Variants in GABRG2 observed in about 807,000 individuals in gnomAD.
The protein encoded by GABRG2 is gamma-aminobutyric acid type A receptor subunit gamma2.
A neutral mutation model predicts 56.4 loss-of-function variants in GABRG2; 16 were observed. The observed-to-expected ratio is 0.28, with a 90% CI of 0.19 to 0.43. The LOEUF (loss-of-function observed/expected upper bound fraction) is 0.43, where lower values mean the gene tolerates loss of function less well. Among genes scored for constraint, GABRG2 ranks in the 20% least tolerant of loss-of-function variants. The pLI, the probability that GABRG2 is intolerant of heterozygous loss-of-function variation, is 1.00. For synonymous variants in GABRG2, 208 were observed against 205.5 expected, an observed-to-expected ratio of 1.01 and a Z score of -0.10; for missense variants, 327 against 582.7, an observed-to-expected ratio of 0.56 and a Z score of 4.52.
At chr5:162,123,924 C>T (rs943244365) in intron 6 of GABRG2, among the ~76,000 whole-genome samples, 7 of 151,782 alleles carry the variant, frequency 4.6e-5, no homozygotes, top group Non-Finnish European at 7.4e-5. Context: ...CATCTTCAAA[C>T]GACTGGTCAT....
At chr5:162,106,892 G>A (rs1277646060) in intron 6 of GABRG2, among the ~76,000 whole-genome samples, 1 of 130,050 alleles carries the variant, frequency 7.7e-6, no homozygotes, top group Non-Finnish European at 1.6e-5. Context: ...GTACAGGTTT[G>A]TTATACAGGC....
chr5:162,107,255 T>C (rs1432165429), intron 6 of GABRG2, among the ~76,000 whole-genome samples: 2 of 152,098 alleles, frequency 1.3e-5, no homozygotes, highest in African/African-American at 4.8e-5. Context: ...TAAAGGAAAG[T>C]TAATATAAGG....
intron 6 of GABRG2, among the ~76,000 whole-genome samples, chr5:162,111,701 C>A (rs547773615): frequency 6.6e-6 from 1 of 152,188 alleles, no homozygotes; most frequent in African/African-American, 2.4e-5. Flanking sequence ...GATGAGGAAA[C>A]TAAGGTTTAG....
intron 6 of GABRG2, among the ~76,000 whole-genome samples, chr5:162,123,577 G>A (rs1414244934): frequency 6.6e-6 from 1 of 151,866 alleles, no homozygotes; most frequent in African/African-American, 2.4e-5. Context: ...TTGTGTAAGT[G>A]TGTGTCTGTT....
At chr5:162,110,255 C>T (rs1407568054) in intron 6 of GABRG2, among the ~76,000 whole-genome samples, 1 of 152,058 alleles carries the variant, frequency 6.6e-6, no homozygotes, top group African/African-American at 2.4e-5. Context: ...TGCTTGTTGC[C>T]TGATTTCTAA....
intron 2 of GABRG2, 179 bp downstream of exon 2, chr5:162,094,158 T>C (rs1203405954): frequency 1.6e-6 from 1 of 626,224 alleles, no homozygotes; most frequent in Non-Finnish European, 2.8e-6. Context: ...TGTCAATACA[T>C]TCAAAATGAA....
intron 1 of GABRG2, among the ~76,000 whole-genome samples, chr5:162,080,625 A>G (rs1759576257): frequency 6.6e-6 from 1 of 152,178 alleles, no homozygotes; most frequent in Non-Finnish European, 1.5e-5. Context: ...ATAAGGGGTA[A>G]GACTTCATAT....
rs138487113 is a variant in GABRG2 at position 162,083,084 on chromosome 5, T to C, written c.108-10744T>C. On this transcript the variant is annotated intron_variant, in intron 1 of 9. Coordinates refer to ENST00000639213, the MANE Select transcript of GABRG2 (RefSeq NM_198904.4). ...AGAATTATGGTCATTCAGATGTATGTACACATGTTGTTAAAACTAGTAGTG... is the reference window on the plus strand; with the variant it reads ...AGAATTATGGTCATTCAGATGTATGCACACATGTTGTTAAAACTAGTAGTG... Among the ~76,000 whole-genome samples the C allele has an allele frequency of 2.1e-3, 316 of 151,938 alleles. 1 individual carries two copies. The highest frequency in any genetic ancestry group is 7.0e-3 in the African/African-American group (290 of 41,546).
chr5:162,080,528 A>G (rs1338227871), intron 1 of GABRG2, among the ~76,000 whole-genome samples: 4 of 152,188 alleles, frequency 2.6e-5, no homozygotes, highest in African/African-American at 7.2e-5. Flanking sequence ...CTAGGGGAAG[A>G]ACTTGGGAGG....
At chr5:162,079,136 T>A (rs1759439379) in intron 1 of GABRG2, among the ~76,000 whole-genome samples, 1 of 152,084 alleles carries the variant, frequency 6.6e-6, no homozygotes, top group African/African-American at 2.4e-5. Context: ...TTCCAGGTAC[T>A]CTTGTGGTCA....
At chr5:162,117,862 T>C (rs1426406311) in intron 6 of GABRG2, among the ~76,000 whole-genome samples, 1 of 152,166 alleles carries the variant, frequency 6.6e-6, no homozygotes, top group Non-Finnish European at 1.5e-5. Context: ...TAAGTAGTGT[T>C]GGTAATGATA....
chr5:162,091,917 A>G (rs1760627056), intron 1 of GABRG2, among the ~76,000 whole-genome samples: 1 of 151,814 alleles, frequency 6.6e-6, no homozygotes, highest in Non-Finnish European at 1.5e-5. Context: ...GAGAAAGAGA[A>G]AGAGAGAGAG....
intron 1 of GABRG2, among the ~76,000 whole-genome samples, chr5:162,085,053 C>A (rs1018470580): frequency 6.6e-6 from 1 of 151,936 alleles, no homozygotes; most frequent in African/African-American, 2.4e-5. Flanking sequence ...GTGTGCAAGA[C>A]AAGCTGTCCC....
chr5:162,112,260 ATT>A lies in GABRG2; in HGVS notation c.769+8244_769+8245del, dbSNP rs3839307. On this transcript the variant is annotated intron_variant, in intron 6 of 9. Transcript: ENST00000639213. ...TCAAAACCAACCAGATCAAAAAAGC[ATT>A]TTTTTTTTTAATCCAAGTTGTTGGT... is the stretch of plus-strand genomic sequence containing the variant. Among the ~76,000 whole-genome samples the A allele has an allele frequency of 2.9e-3, 431 of 150,824 alleles. 4 individuals are homozygous for A. The highest frequency in any genetic ancestry group is 8.4e-3 in the African/African-American group (346 of 41,188).
chr5:162,139,083 A>G (rs1764357922), intron 6 of GABRG2, among the ~76,000 whole-genome samples: 1 of 152,196 alleles, frequency 6.6e-6, no homozygotes, highest in African/African-American at 2.4e-5. Flanking sequence ...AAAAAAGATA[A>G]ACATTAATGG....
intron 8 of GABRG2, 139 bp downstream of exon 8, chr5:162,149,452 T>C (rs750378706): frequency 1.4e-5 from 11 of 783,886 alleles, no homozygotes; most frequent in Non-Finnish European, 2.2e-5. Flanking sequence ...AGCCAGGCCA[T>C]AACGATTCAT....
chr5:162,119,032 G>A (rs1762811736), intron 6 of GABRG2, among the ~76,000 whole-genome samples: 1 of 151,970 alleles, frequency 6.6e-6, no homozygotes, highest in Admixed American at 6.6e-5. Flanking sequence ...TGAGAATGCT[G>A]GACCCAGTTA....
intron 5 of GABRG2, chr5:162,101,654 C>A (rs748750938): frequency 4.9e-5 from 15 of 308,532 alleles, no homozygotes; most frequent in Non-Finnish European, 8.0e-5. Context: ...AATTATATAT[C>A]CTCTTCCTTT....
intron 8 of GABRG2, chr5:162,149,723 C>T (rs926558739): frequency 2.1e-6 from 1 of 473,092 alleles, no homozygotes; most frequent in Non-Finnish European, 4.2e-6. Flanking sequence ...AAGCAATTCT[C>T]CTGCCTCAGC....
Sources: allele counts gnomAD v4.1 joint callset (sites outside exome capture counted in the v4.1 genomes callset), GRCh38; gene constraint gnomAD v4.1.1; transcripts MANE v1.5; gene names NCBI Gene and HGNC (gene_info 2026-07-23, HGNC 2026-07-21).